RALGPS1: variants seen among roughly 807,000 people sequenced by gnomAD.
RALGPS1 encodes the protein ras-specific guanine nucleotide-releasing factor RalGPS1.
Under a neutral mutation model 78.8 loss-of-function variants are expected in RALGPS1, and 19 were observed. The ratio of observed to expected loss-of-function variants is 0.24; its 90% CI spans 0.17 to 0.35. RALGPS1 has a LOEUF of 0.35. RALGPS1 is among the 10% of genes least tolerant of loss of function. The pLI is 1.00. For missense variants in RALGPS1, 454 were observed against 688.3 expected (o/e 0.66, Z 3.81); for synonymous variants, 228 against 256.3 (o/e 0.89, Z 1.06).
intron 8 of RALGPS1, among the ~76,000 whole-genome samples, chr9:127,131,635 C>T (rs936765403): frequency 5.3e-5 from 8 of 152,194 alleles, no homozygotes; most frequent in Admixed American, 3.9e-4. Context: ...CCTGTTTGAC[C>T]CGGAGTCCAC....
intron 8 of RALGPS1, chr9:127,108,840 A>G (rs1015731231): frequency 4.7e-5 from 57 of 1,215,292 alleles, no homozygotes; most frequent in Admixed American, 1.6e-4. Flanking sequence ...GCCCTGTGCC[A>G]TCAGTGATCC....
At chr9:127,063,592 T>C (rs899657496) in intron 7 of RALGPS1, among the ~76,000 whole-genome samples, 18 of 152,168 alleles carry the variant, frequency 1.2e-4, no homozygotes, top group Admixed American at 1.2e-3. Context: ...CTTTTTTTAG[T>C]TTGATGGTTT....
chr9:127,191,811 C>A (rs1440060955), intron 11 of RALGPS1, among the ~76,000 whole-genome samples: 1 of 151,232 alleles, frequency 6.6e-6, no homozygotes, highest in African/African-American at 2.4e-5. Flanking sequence ...CATTCTCCTG[C>A]CTCAGCCTCC....
chr9:127,030,424 G>C (rs1345214566), intron 4 of RALGPS1, among the ~76,000 whole-genome samples: 2 of 152,186 alleles, frequency 1.3e-5, no homozygotes, highest in Admixed American at 6.5e-5. Context: ...AGTGTGCAAA[G>C]GCAAGGCAGA....
At chr9:127,139,749 G>T (rs1002687306) in intron 8 of RALGPS1, among the ~76,000 whole-genome samples, 2 of 152,256 alleles carry the variant, frequency 1.3e-5, no homozygotes, top group Non-Finnish European at 2.9e-5. Flanking sequence ...CTGCTGAGAG[G>T]AGTCAGTGAG....
chr9:126,914,864 C>T lies in RALGPS1; in HGVS notation c.-177C>T, dbSNP rs1460360696. 1 of 152,128 alleles carries T rather than the reference C, an allele frequency of 6.6e-6. No homozygotes were observed. Among genetic ancestry groups the T allele is most frequent in the Non-Finnish European group, 1.5e-5 (1 of 68,040 alleles). 9.4% of individuals were successfully genotyped at this position (152,128 alleles called of 1,614,324 possible). A position where few individuals can be genotyped will look rare whatever the true frequency, so the allele number is the denominator to read the frequency against. On this transcript the variant is annotated 5_prime_UTR_variant, in exon 1 of 19. Transcript: ENST00000259351. Reference sequence around the variant, plus strand: ...GCCCGCGCTCCAGCTGCGCCTGGCCCGGCCCCGGCCCGGCTCGGCGTGGCC... The same window carrying T: ...GCCCGCGCTCCAGCTGCGCCTGGCCTGGCCCCGGCCCGGCTCGGCGTGGCC...
chr9:127,105,961 G>A (rs2054179629), intron 8 of RALGPS1, among the ~76,000 whole-genome samples: 1 of 152,194 alleles, frequency 6.6e-6, no homozygotes, highest in Admixed American at 6.5e-5. Flanking sequence ...AACACTGTGA[G>A]GTTATGACCC....
At chr9:127,152,150 A>G (rs776934835) in intron 8 of RALGPS1, among the ~76,000 whole-genome samples, 18 of 152,032 alleles carry the variant, frequency 1.2e-4, no homozygotes, top group Non-Finnish European at 2.4e-4. Context: ...GTCTTCTTGT[A>G]CTGTATTCAA....
chr9:127,021,493 G>GTC (rs1399849738), intron 4 of RALGPS1, among the ~76,000 whole-genome samples: 8 of 120,204 alleles, frequency 6.7e-5, no homozygotes, highest in African/African-American at 2.2e-4. Flanking sequence ...GGGAGACTCT[G>GTC]TCTCAAAAAA....
At chr9:127,039,166 A>G (rs190402653) in intron 5 of RALGPS1, among the ~76,000 whole-genome samples, 68 of 152,250 alleles carry the variant, frequency 4.5e-4, no homozygotes, top group Non-Finnish European at 4.4e-5. Context: ...ACAGAGGCCC[A>G]AGTGAGTACC....
chr9:127,052,690 CA>C (rs2135403513), intron 6 of RALGPS1, among the ~76,000 whole-genome samples, 156 bp from the exon 7 acceptor site: 1 of 152,326 alleles, frequency 6.6e-6, no homozygotes, highest in South Asian at 2.1e-4. Context: ...AGGAAAAAAG[CA>C]TATGGTTTCT....
At chr9:127,008,276 C>A (rs904393694) in intron 4 of RALGPS1, among the ~76,000 whole-genome samples, 4 of 152,176 alleles carry the variant, frequency 2.6e-5, no homozygotes, top group African/African-American at 7.2e-5. Context: ...GGCTAGTACA[C>A]TTCTTACTCA....
At chr9:127,024,411 G>GT (rs1254123844) in intron 4 of RALGPS1, among the ~76,000 whole-genome samples, 9 of 149,970 alleles carry the variant, frequency 6.0e-5, no homozygotes, top group Admixed American at 2.0e-4. Context: ...GCTTTGTGTG[G>GT]TATCTTGTGA....
chr9:127,070,703 C>A lies in RALGPS1; in HGVS notation c.610+1347C>A, dbSNP rs189664682. On this transcript the variant is annotated intron_variant, in intron 8 of 18. Transcript: ENST00000259351. ...CAGTTTTATGAAAAAATCTTTTGAT[C>A]TTTTATGATCTAAAATAATTCTAAT... Among the ~76,000 whole-genome samples, 15 of 151,900 alleles carry A rather than the reference C, an allele frequency of 9.9e-5. No individual in the cohort carries two copies. The East Asian group carries it at 2.9e-3, about 29-fold the overall frequency.
intron 4 of RALGPS1, among the ~76,000 whole-genome samples, chr9:126,997,587 A>G (rs2042892241): frequency 6.6e-6 from 1 of 152,230 alleles, no homozygotes; most frequent in Admixed American, 6.5e-5. Flanking sequence ...GAAAATGACC[A>G]TACTGCCCAA....
intron 8 of RALGPS1, chr9:127,088,921 T>C (rs372986660): frequency 5.6e-6 from 9 of 1,613,952 alleles, no homozygotes; most frequent in South Asian, 4.4e-5. Context: ...CCACGAGAGG[T>C]CAGGAGGGGG....
At chr9:127,010,589 C>G (rs1420038517) in intron 4 of RALGPS1, among the ~76,000 whole-genome samples, 1 of 152,154 alleles carries the variant, frequency 6.6e-6, no homozygotes, top group Non-Finnish European at 1.5e-5. Context: ...CTCTTGGGGC[C>G]CTTCTGGCTT....
intron 4 of RALGPS1, among the ~76,000 whole-genome samples, chr9:127,011,341 C>G (rs773909179): frequency 5.9e-5 from 9 of 152,218 alleles, no homozygotes; most frequent in Non-Finnish European, 1.3e-4. Context: ...CCATGCCCGG[C>G]TAATTTTTTG....
At chr9:127,041,194 C>T (rs1384646955) in intron 5 of RALGPS1, among the ~76,000 whole-genome samples, 9 of 151,982 alleles carry the variant, frequency 5.9e-5, no homozygotes, top group African/African-American at 1.9e-4. Flanking sequence ...TGGATTTAAG[C>T]GATTCTCCTA....
Sources: gnomAD v4.1 joint callset for allele counts (sites outside exome capture counted in the v4.1 genomes callset) on GRCh38, gnomAD v4.1.1 for gene constraint, MANE v1.5 for transcripts, NCBI Gene and HGNC (gene_info 2026-07-23, HGNC 2026-07-21) for gene names.